ROR2: variants seen among roughly 807,000 people sequenced by gnomAD.
ROR2 encodes the protein tyrosine-protein kinase transmembrane receptor ROR2.
A neutral mutation model predicts 74.9 loss-of-function variants in ROR2; 33 were observed. That is an observed-to-expected ratio of 0.44 (90% confidence interval 0.33 to 0.59). The LOEUF (loss-of-function observed/expected upper bound fraction) is 0.59. Among genes scored for constraint, ROR2 ranks in the 20% least tolerant of loss-of-function variants. ROR2 has a pLI of 0.02. For missense variants in ROR2, 1,216 were observed against 1,313.8 expected, an observed-to-expected ratio of 0.93 and a Z score of 1.15; for synonymous variants, 586 against 558.7, an observed-to-expected ratio of 1.05 and a Z score of -0.69.
chr9:91,913,288 C>T (rs1473477762), intron 1 of ROR2, among the ~76,000 whole-genome samples: 1 of 152,204 alleles, frequency 6.6e-6, no homozygotes, highest in Non-Finnish European at 1.5e-5. Flanking sequence ...CCTTCAAATG[C>T]ACCACTAACA....
intron 2 of ROR2, among the ~76,000 whole-genome samples, chr9:91,766,521 C>A (rs146228772): frequency 2.0e-5 from 3 of 152,188 alleles, no homozygotes; most frequent in Admixed American, 6.5e-5. Context: ...CCATTTTCAA[C>A]GTCATCGATT....
chr9:91,925,294 A>G (rs1449755999), intron 1 of ROR2, among the ~76,000 whole-genome samples: 1 of 152,078 alleles, frequency 6.6e-6, no homozygotes, highest in Non-Finnish European at 1.5e-5. Flanking sequence ...TCTCATAGAC[A>G]TTAACTTACA....
chr9:91,888,693 CAT>C (rs1341998559), intron 1 of ROR2, among the ~76,000 whole-genome samples: 6 of 152,320 alleles, frequency 3.9e-5, no homozygotes, highest in African/African-American at 1.4e-4. Flanking sequence ...CAGAATAAAA[CAT>C]GTGTCCATGT....
At chr9:91,860,061 G>A (rs1445827028) in intron 1 of ROR2, among the ~76,000 whole-genome samples, 1 of 152,142 alleles carries the variant, frequency 6.6e-6, no homozygotes, top group Admixed American at 6.5e-5. Context: ...GGCGAGTGGG[G>A]ACCCCAGTTG....
chr9:91,909,847 G>GTT (rs71362365), intron 1 of ROR2, among the ~76,000 whole-genome samples: 1,635 of 53,302 alleles, frequency 0.031, 113 homozygotes, highest in Middle Eastern at 0.048. Flanking sequence ...GGTTTGTTTT[G>GTT]TTTTTTTTTT....
chr9:91,736,319 A>AG (rs957110021), intron 5 of ROR2, among the ~76,000 whole-genome samples: 2 of 152,186 alleles, frequency 1.3e-5, no homozygotes, highest in African/African-American at 4.8e-5. Context: ...TCGACTCTCT[A>AG]GTCCGAGGGT....
intron 1 of ROR2, among the ~76,000 whole-genome samples, chr9:91,800,737 C>T (rs973002594): frequency 6.6e-6 from 1 of 152,190 alleles, no homozygotes; most frequent in African/African-American, 2.4e-5. Flanking sequence ...CAAGCCATTC[C>T]CAGCGGGCTT....
chr9:91,800,709 G>A (rs915916145), intron 1 of ROR2, among the ~76,000 whole-genome samples: 6 of 152,206 alleles, frequency 3.9e-5, no homozygotes, highest in Admixed American at 2.0e-4. Context: ...TCACGCCCAC[G>A]CACTGCTGTT....
chr9:91,898,795 G>A (rs2119424543), intron 1 of ROR2, among the ~76,000 whole-genome samples: 1 of 152,354 alleles, frequency 6.6e-6, no homozygotes, highest in East Asian at 1.9e-4. Context: ...TGCAGAAGGA[G>A]ACGCAGCACA....
intron 1 of ROR2, among the ~76,000 whole-genome samples, chr9:91,790,495 C>A (rs1001651073): frequency 6.8e-6 from 1 of 147,218 alleles, no homozygotes; most frequent in Admixed American, 6.9e-5. Context: ...GGTGACAGAG[C>A]GAGACTCCGT....
intron 1 of ROR2, among the ~76,000 whole-genome samples, chr9:91,907,781 C>T (rs866034568): frequency 6.6e-6 from 1 of 152,114 alleles, no homozygotes; most frequent in Middle Eastern, 3.2e-3. Flanking sequence ...CCCAGTGGAC[C>T]CAAGAATGCA....
intron 1 of ROR2, among the ~76,000 whole-genome samples, chr9:91,812,031 C>T (rs1415884488): frequency 6.7e-6 from 1 of 148,190 alleles, no homozygotes; most frequent in African/African-American, 2.5e-5. Flanking sequence ...TACACTAACA[C>T]TAATGACAGC....
intron 1 of ROR2, among the ~76,000 whole-genome samples, chr9:91,795,818 C>T (rs978233203): frequency 1.3e-5 from 2 of 152,148 alleles, no homozygotes; most frequent in African/African-American, 4.8e-5. Context: ...TCTGAACAAC[C>T]AAATAGCACA....
At chr9:91,725,857 C>T (rs1837011021) in intron 8 of ROR2, among the ~76,000 whole-genome samples, 2 of 152,164 alleles carry the variant, frequency 1.3e-5, no homozygotes, top group African/African-American at 4.8e-5. Context: ...CAGCCCCTGC[C>T]CATAGCAAAC....
At chr9:91,760,404 C>T (rs62563406) in intron 2 of ROR2, among the ~76,000 whole-genome samples, 1,640 of 152,160 alleles carry the variant, frequency 0.011, 12 homozygotes, top group Non-Finnish European at 0.014. Context: ...GAGGCCGAAG[C>T]GAGTGGATCA....
chr9:91,842,168 G>A (rs1828801008), intron 1 of ROR2, among the ~76,000 whole-genome samples: 1 of 152,178 alleles, frequency 6.6e-6, no homozygotes, highest in Admixed American at 6.5e-5. Context: ...AGCATAAAGA[G>A]GAGAGATGGT....
At chr9:91,758,892 T>A (rs181759620) in intron 2 of ROR2, among the ~76,000 whole-genome samples, 11 of 152,240 alleles carry the variant, frequency 7.2e-5, no homozygotes, top group Non-Finnish European at 1.0e-4. Flanking sequence ...AAGAGGAACA[T>A]GCAAATACAA....
At chr9:91,852,747 T>C (rs1829146213) in intron 1 of ROR2, among the ~76,000 whole-genome samples, 1 of 152,112 alleles carries the variant, frequency 6.6e-6, no homozygotes, top group African/African-American at 2.4e-5. Flanking sequence ...AAATCATTCC[T>C]ATCCTAACAG....
At chr9:91,743,528 G>A (rs1825314071) in intron 4 of ROR2, among the ~76,000 whole-genome samples, 1 of 152,024 alleles carries the variant, frequency 6.6e-6, no homozygotes, top group Non-Finnish European at 1.5e-5. Context: ...CCAAGATCAT[G>A]CCATTGCACT....
Sources: gnomAD v4.1 joint callset for allele counts (sites outside exome capture counted in the v4.1 genomes callset) on GRCh38, gnomAD v4.1.1 for gene constraint, MANE v1.5 for transcripts, NCBI Gene and HGNC (gene_info 2026-07-23, HGNC 2026-07-21) for gene names.